Variants in EPHB3 observed in about 807,000 individuals in gnomAD.
EPHB3 encodes EPH receptor B3, also known as ephrin type-B receptor 3.
In EPHB3, 33 loss-of-function variants were observed where a neutral mutation model predicts 100.2. The observed-to-expected ratio is 0.33, with a 90% CI of 0.25 to 0.44. EPHB3 has a LOEUF of 0.44. Ranked by LOEUF, EPHB3 falls within the 20% of genes least tolerant of loss-of-function variation. The probability of loss-of-function intolerance (pLI) is 1.00; values close to 1 mark genes in which losing one functional copy is unlikely to be tolerated. For missense variants in EPHB3, 1,045 were observed against 1,378.3 expected, an observed-to-expected ratio of 0.76 and a Z score of 3.83; for synonymous variants, 526 against 554.7, an observed-to-expected ratio of 0.95 and a Z score of 0.73.
rs1291321596 is a variant in EPHB3, at chr3:184,563,916, G to A, written c.118+1563G>A. Among the ~76,000 whole-genome samples, 3 of 152,252 alleles carry A rather than the reference G, an allele frequency of 2.0e-5. No homozygotes were observed. In the East Asian group the frequency reaches 5.8e-4, roughly 29 times the overall value. ...CCACAAGGCCCTTGTTGTGGGTGTGGTGGGTGCTGGTGCTGAGTGTGGAGT... is the reference window on the plus strand; with the variant it reads ...CCACAAGGCCCTTGTTGTGGGTGTGATGGGTGCTGGTGCTGAGTGTGGAGT... On this transcript the variant is annotated intron_variant, in intron 1 of 15. Coordinates refer to ENST00000330394, the MANE Select transcript of EPHB3 (RefSeq NM_004443.4). This position sits in a 1 kb window ranked among gnomAD's most constrained non-coding sequence, Gnocchi z 4.1.
rs1357317283 is a variant in EPHB3, at chr3:184,580,586, A to C, written c.2357A>C (p.Asp786Ala). ...DFGLSRFLEDDPSDPTYTSSL... is the reference protein window; with the variant it reads ...DFGLSRFLEDAPSDPTYTSSL... ...GGCCTCTCCCGCTTCCTGGAGGATGACCCCTCCGATCCTACCTACACCAGT... is the reference window on the plus strand; with the variant it reads ...GGCCTCTCCCGCTTCCTGGAGGATGCCCCCTCCGATCCTACCTACACCAGT... The change falls in exon 12 of 16, where the codon GAC (aspartate) becomes GCC (alanine). Residue 786 changes from aspartate to alanine, a missense_variant. This residue lies in a region of EPHB3 where 985 missense variants were observed against 1,331.1 expected (regional missense o/e 0.74). Transcript: ENST00000330394. 1 of 1,613,604 alleles carries C rather than the reference A, an allele frequency of 6.2e-7. No individual in the cohort carries two copies.
Position 184,581,370 on chromosome 3 carries a change from G to T in EPHB3, c.2850G>T (p.Gly950=), listed in dbSNP as rs751862417. ...GRYKESFVSA[G]FASFDLVAQM... ...ACAAGGAGAGCTTCGTCAGTGCGGGGTTTGCATCTTTTGACCTGGTGGCCC... is the reference window on the plus strand; with the variant it reads ...ACAAGGAGAGCTTCGTCAGTGCGGGTTTTGCATCTTTTGACCTGGTGGCCC... The change falls in exon 15 of 16, where the codon GGG becomes GGT. Residue 950 remains glycine (G), a synonymous_variant. Transcript: ENST00000330394. 4 of 1,602,676 alleles carry T rather than the reference G, an allele frequency of 2.5e-6. No homozygotes were observed. The highest frequency in any genetic ancestry group is 1.1e-5 in the South Asian group (1 of 88,772).
rs1714308370 is a variant in EPHB3 at position 184,563,383 on chromosome 3, T to TA, written c.118+1031dup. ...GGGCAATTGGAATAAAGGCAGTACTTATTTGGGGTATCTTTAACAGATCTA... is the reference window on the plus strand; with the variant it reads ...GGGCAATTGGAATAAAGGCAGTACTTAATTTGGGGTATCTTTAACAGATCTA... On this transcript the variant is annotated intron_variant, in intron 1 of 15. Coordinates refer to ENST00000330394, the MANE Select transcript of EPHB3 (RefSeq NM_004443.4). This position sits in a 1 kb window ranked among gnomAD's most constrained non-coding sequence, Gnocchi z 4.1. Among the ~76,000 whole-genome samples the TA allele has an allele frequency of 6.6e-6, 1 of 152,096 alleles. No homozygotes were observed. Among genetic ancestry groups the TA allele is most frequent in the Non-Finnish European group, 1.5e-5 (1 of 68,032 alleles).
chr3:184,580,931 A>G (rs1388416171), intron 13 of EPHB3, 41 bp from the exon 14 acceptor site: 3 of 1,607,524 alleles, frequency 1.9e-6, no homozygotes, highest in Admixed American at 1.7e-5. Flanking sequence ...GCTGGGGATC[A>G]TGGCAGTGGC....
In EPHB3 at chr3:184,581,598, C is replaced by G. The variant is rs1378532830; in HGVS notation, c.2973C>G (p.Asn991Lys). Residue 991 changes from asparagine to lysine, a missense_variant, in exon 16 of 16, where the codon AAC becomes AAG. Transcript: ENST00000330394. ...TCCAGGACATGCGGCTGCAGATGAA[C>G]CAGACGCTGCCTGTGCAGGTCTGAC... ...SSIQDMRLQM[N>K]QTLPVQV is the part of the protein sequence containing the mutation. 6.2e-6 allele frequency: 10 copies of G among 1,612,744 alleles called. No individual in the cohort carries two copies. Among genetic ancestry groups the G allele is most frequent in the Admixed American group, 1.7e-5 (1 of 59,884 alleles).
At position 184,571,569 on chromosome 3, in the gene EPHB3, T is replaced by G. The variant is rs1714541000; in HGVS notation, c.183+187T>G. Among the ~76,000 whole-genome samples, 1 of 151,810 alleles carries G rather than the reference T, an allele frequency of 6.6e-6. No homozygotes were observed. The highest frequency in any genetic ancestry group is 1.5e-5 in the Non-Finnish European group (1 of 67,962). The stretch of plus-strand genomic sequence containing the variant: ...GACCCTCTGAAGCACCTCATGGTCC[T>G]TCTCTGTGGGCATTTCTATCTCTCA... On this transcript the variant is annotated intron_variant, in intron 2 of 15. Transcript: ENST00000330394. The surrounding 1 kb of genome is among the most constrained non-coding windows in gnomAD (Gnocchi z 5.0).
chr3:184,566,527 C>T (rs1387961038), intron 1 of EPHB3, among the ~76,000 whole-genome samples: 5 of 152,232 alleles, frequency 3.3e-5, no homozygotes, highest in South Asian at 4.1e-4. Context: ...CCCCCCAAGA[C>T]GCCTTGATCC....
intron 1 of EPHB3, among the ~76,000 whole-genome samples, chr3:184,564,815 C>T (rs1009036477): frequency 1.3e-5 from 2 of 152,098 alleles, no homozygotes; most frequent in African/African-American, 4.8e-5. Flanking sequence ...GGGTGGACTT[C>T]GAGGTCCTGG....
rs1486990986 is a variant in EPHB3 at position 184,563,613 on chromosome 3, C to G, written c.118+1260C>G. 1.3e-5 allele frequency among the ~76,000 whole-genome samples: 2 copies of G among 152,230 alleles called. No individual in the cohort carries two copies. Among genetic ancestry groups the G allele is most frequent in the Non-Finnish European group, 2.9e-5 (2 of 68,050 alleles). The stretch of plus-strand genomic sequence containing the variant: ...CTCATCTCTGAGCCTGCTGTGCTGA[C>G]AGATCGAGTCCCACGGGTGGACACA... On this transcript the variant is annotated intron_variant, in intron 1 of 15. Coordinates refer to ENST00000330394, the MANE Select transcript of EPHB3 (RefSeq NM_004443.4). This position sits in a 1 kb window ranked among gnomAD's most constrained non-coding sequence, Gnocchi z 4.1.
At chr3:184,575,434 C>T (rs1213897023) in intron 3 of EPHB3, among the ~76,000 whole-genome samples, 1 of 152,134 alleles carries the variant, frequency 6.6e-6, no homozygotes, top group African/African-American at 2.4e-5. Flanking sequence ...TCTGGAGCCT[C>T]GGGGAGAGGT....
rs560504637 is a variant in EPHB3 at position 184,565,455 on chromosome 3, C to T, written c.118+3102C>T. Among the ~76,000 whole-genome samples, 1 of 152,142 alleles carries T rather than the reference C, an allele frequency of 6.6e-6. No homozygotes were observed. Among genetic ancestry groups the T allele is most frequent in the Non-Finnish European group, 1.5e-5 (1 of 68,026 alleles). The stretch of plus-strand genomic sequence containing the variant: ...ACTTGGGATAGGATGGAGAGATCCC[C>T]GCTGGGAAGATATCCTTTTGAGAAA... On this transcript the variant is annotated intron_variant, in intron 1 of 15. Transcript: ENST00000330394. The surrounding 1 kb of genome is among the most constrained non-coding windows in gnomAD (Gnocchi z 4.8).
Position 184,569,509 on chromosome 3 carries a change from C to T in EPHB3, c.119-1809C>T, listed in dbSNP as rs1380357687. ...GTCTCTGTGGGCCCCGGCTTCTGAGCATCTCGGCTTCCCTCGAGTACCCCC... is the reference window on the plus strand; with the variant it reads ...GTCTCTGTGGGCCCCGGCTTCTGAGTATCTCGGCTTCCCTCGAGTACCCCC... On this transcript the variant is annotated intron_variant, in intron 1 of 15. Transcript: ENST00000330394. The surrounding 1 kb of genome is among the most constrained non-coding windows in gnomAD (Gnocchi z 5.4). Among the ~76,000 whole-genome samples, 1 of 151,974 alleles carries T rather than the reference C, an allele frequency of 6.6e-6. No individual in the cohort carries two copies. Among genetic ancestry groups the T allele is most frequent in the African/African-American group, 2.4e-5 (1 of 41,248 alleles).
intron 1 of EPHB3, among the ~76,000 whole-genome samples, chr3:184,568,592 A>ACCCCCCCCCCCCCCCCCCCCCC (rs113185340): frequency 2.3e-5 from 3 of 131,098 alleles, no homozygotes; most frequent in African/African-American, 5.8e-5. Context: ...GGGTTCTATG[A>ACCCCCCCCCCCCCCCCCCCCCC]CCCCCCCCCC....
At position 184,577,301 on chromosome 3, in the gene EPHB3, C is replaced by G. The variant is rs200079298; in HGVS notation, c.1355-42C>G. 2 of 1,601,416 alleles carry G rather than the reference C, an allele frequency of 1.2e-6. No individual in the cohort carries two copies. Among genetic ancestry groups the G allele is most frequent in the East Asian group, 4.5e-5 (2 of 44,660 alleles). ...GGAAGTGGGTCTTTGGGAAGGATGC[C>G]AGGGTCCAGGGAGCCCCTGGTGAGC... On this transcript the variant is annotated intron_variant, in intron 5 of 15. Coordinates refer to ENST00000330394, the MANE Select transcript of EPHB3 (RefSeq NM_004443.4). This position sits in a 1 kb window ranked among gnomAD's most constrained non-coding sequence, Gnocchi z 4.9.
At chr3:184,566,674 T>C (rs1234655134) in intron 1 of EPHB3, among the ~76,000 whole-genome samples, 1 of 152,104 alleles carries the variant, frequency 6.6e-6, no homozygotes, top group Admixed American at 6.5e-5. Flanking sequence ...GGCATAGCAC[T>C]GCTCCAGGCT....
chr3:184,575,331 C>T, intron 3 of EPHB3: 3 of 719,354 alleles, frequency 4.2e-6, no homozygotes, highest in African/African-American at 1.9e-5. Context: ...GGAGCTGCTG[C>T]CTGCGCCTGG....
At chr3:184,570,787 G>A (rs962371410) in intron 1 of EPHB3, among the ~76,000 whole-genome samples, 3 of 152,164 alleles carry the variant, frequency 2.0e-5, no homozygotes, top group Admixed American at 6.5e-5. Context: ...ACCCAGGCCT[G>A]GGGTCAGGGC....
chr3:184,576,892 C>T lies in EPHB3; in HGVS notation c.1063C>T (p.Leu355=). The change falls in exon 5 of 16, where the codon CTG becomes TTG. Residue 355 remains leucine (L), a synonymous_variant. Transcript: ENST00000330394. The part of the protein sequence containing the change: ...GVISNVNETS[L]ILEWSEPRDL... ...GATCTCCAATGTGAATGAAACCTCA[C>T]TGATCCTCGAGTGGAGTGAGCCCCG... 1 of 1,573,582 alleles carries T rather than the reference C, an allele frequency of 6.4e-7. No homozygotes were observed.
intron 1 of EPHB3, among the ~76,000 whole-genome samples, chr3:184,564,307 A>G (rs1222424653): frequency 2.0e-5 from 3 of 152,202 alleles, no homozygotes; most frequent in Admixed American, 1.3e-4. Context: ...TGGTTTCACC[A>G]ATTCCTTCAC....
Sources: gnomAD v4.1 joint callset for allele counts (sites outside exome capture counted in the v4.1 genomes callset) on GRCh38, gnomAD v4.1.1 for gene constraint, gnomAD v4.1.1 regional missense constraint, Gnocchi (gnomAD v3.1) non-coding constraint, MANE v1.5 for transcripts, NCBI Gene and HGNC (gene_info 2026-07-23, HGNC 2026-07-21) for gene names.